The following MTHFD2 variants were observed in gnomAD, a reference collection of about 807,000 sequenced individuals.
The protein encoded by MTHFD2 is methylenetetrahydrofolate dehydrogenase (NADP+ dependent) 2, methenyltetrahydrofolate cyclohydrolase.
MTHFD2 carries 26 observed loss-of-function variants against 36.8 expected under a neutral mutation model. The observed-to-expected ratio is 0.71, with a 90% CI of 0.52 to 0.98. The LOEUF is 0.98. Among genes scored for constraint, MTHFD2 ranks in the 50% least tolerant of loss-of-function variants. The pLI is 0.00. For missense variants in MTHFD2, 373 were observed against 434.0 expected, an observed-to-expected ratio of 0.86 and a Z score of 1.25; for synonymous variants, 164 against 155.2, an observed-to-expected ratio of 1.06 and a Z score of -0.42.
chr2:74,207,452 C>G (rs1405174770), intron 2 of MTHFD2, among the ~76,000 whole-genome samples: 1 of 152,172 alleles, frequency 6.6e-6, no homozygotes, highest in Non-Finnish European at 1.5e-5. Context: ...TTAAACCTCT[C>G]TGAGCCTCAG....
Position 74,207,735 on chromosome 2 carries a change from T to C in MTHFD2, c.318T>C (p.Ala106=), listed in dbSNP as rs373728570. The C allele has an allele frequency of 5.6e-6, 9 of 1,608,032 alleles. No homozygotes were observed. The African/African-American group carries it at 1.2e-4, about 21-fold the overall frequency. The change falls in exon 3 of 8, where the codon GCT becomes GCC. Residue 106 remains alanine, a synonymous_variant. Coordinates refer to ENST00000394053, the MANE Select transcript of MTHFD2 (RefSeq NM_006636.4). ...GINSETIMKP[A]SISEEELLNL... ...ACAGTGAGACAATTATGAAACCAGC[T>C]TCAATTTCAGAGGAAGAATTGTTGA... is the stretch of plus-strand genomic sequence containing the variant.
intron 1 of MTHFD2, among the ~76,000 whole-genome samples, chr2:74,202,168 A>AG (rs1402652260): frequency 6.6e-6 from 1 of 152,108 alleles, no homozygotes; most frequent in African/African-American, 2.4e-5. Flanking sequence ...CTCACTGACT[A>AG]GATATACATA....
chr2:74,207,973 A>G (rs902062690), intron 3 of MTHFD2, 147 bp downstream of exon 3: 11 of 813,994 alleles, frequency 1.4e-5, no homozygotes, highest in Non-Finnish European at 2.1e-5. Context: ...CAATGGTACA[A>G]TCATAGCTCA....
At chr2:74,205,156 TTTATCGATTTAAAC>T (rs1178508139) in intron 1 of MTHFD2, among the ~76,000 whole-genome samples, 5 of 152,150 alleles carry the variant, frequency 3.3e-5, no homozygotes, top group African/African-American at 4.8e-5. Flanking sequence ...CAGAATATAA[TTTATCGATTTAAAC>T]CACCATAAAA....
intron 2 of MTHFD2, among the ~76,000 whole-genome samples, chr2:74,207,330 G>A (rs1160110498): frequency 2.0e-5 from 3 of 151,520 alleles, no homozygotes; most frequent in African/African-American, 7.3e-5. Flanking sequence ...GGTTTTCACC[G>A]TGTTAGCCAG....
rs766295449 is a variant in MTHFD2 at position 74,211,820 on chromosome 2, T to C, written c.843T>C (p.Asp281=). The C allele has an allele frequency of 6.2e-7, 1 of 1,611,714 alleles. No homozygotes were observed. The change falls in exon 7 of 8, where the codon GAT becomes GAC. Residue 281 remains aspartate, a synonymous_variant. Transcript: ENST00000394053. The stretch of plus-strand genomic sequence containing the variant: ...ATGTGGGAATAAATAGAGTTCACGA[T>C]CCTGTAACTGCCAAACCCAAGTTGG... The part of the protein sequence containing the change: ...VIDVGINRVH[D]PVTAKPKLVG...
At position 74,216,691 on chromosome 2, in the gene MTHFD2, C is replaced by CTTGA. The variant is rs1461940521; in HGVS notation, c.*2450_*2453dup. ...TGGCATGATTATAGCTCACTGCAGC[C>CTTGA]TTGAACTCCTGGACTTAAACGATCC... On this transcript the variant is annotated 3_prime_UTR_variant, in exon 8 of 8. Transcript: ENST00000394053. 1.3e-5 allele frequency: 2 copies of CTTGA among 152,170 alleles called. No individual in the cohort carries two copies. Among genetic ancestry groups the CTTGA allele is most frequent in the Non-Finnish European group, 2.9e-5 (2 of 68,038 alleles). The allele number at this position is 152,170 out of a possible 1,614,324, so 9.4% of individuals were successfully genotyped here. A position where few individuals can be genotyped will look rare whatever the true frequency, so the allele number is the denominator to read the frequency against.
chr2:74,213,325 G>A (rs1201713170), intron 7 of MTHFD2, among the ~76,000 whole-genome samples: 2 of 127,844 alleles, frequency 1.6e-5, no homozygotes, highest in African/African-American at 6.2e-5. Context: ...TGCCCAGGCT[G>A]GAGTACAGTG....
At position 74,207,759 on chromosome 2, in the gene MTHFD2, G is replaced by T. The variant is rs972560172; in HGVS notation, c.342G>T (p.Leu114Phe). Residue 114 changes from leucine to phenylalanine, a missense_variant, in exon 3 of 8, where the codon TTG becomes TTT. Physicochemically the swap from Leu to Phe is conservative, Grantham distance 22. This residue lies in a region of MTHFD2 where 308 missense variants were observed against 397.8 expected (regional missense o/e 0.77). Coordinates refer to ENST00000394053, the MANE Select transcript of MTHFD2 (RefSeq NM_006636.4). ...CTTCAATTTCAGAGGAAGAATTGTT[G>T]AATTTAATCAATAAACTGAATAATG... ...KPASISEEELLNLINKLNNDD... is the reference protein window; with the variant it reads ...KPASISEEELFNLINKLNNDD... 16 of 1,606,702 alleles carry T rather than the reference G, an allele frequency of 1.0e-5. No homozygotes were observed. The highest frequency in any genetic ancestry group is 2.2e-5 in the South Asian group (2 of 90,726).
chr2:74,213,270 C>CTTTTTTTTTTT (rs10638050), intron 7 of MTHFD2, among the ~76,000 whole-genome samples: 6 of 76,032 alleles, frequency 7.9e-5, no homozygotes, highest in African/African-American at 1.8e-4. Flanking sequence ...TTTTTCTTTC[C>CTTTTTTTTTTT]TTTTTTTTTT....
At chr2:74,200,145 T>C (rs2103801080) in intron 1 of MTHFD2, among the ~76,000 whole-genome samples, 1 of 152,342 alleles carries the variant, frequency 6.6e-6, no homozygotes, top group Admixed American at 6.5e-5. Flanking sequence ...GGGTTTTCCC[T>C]GGTCTGACTC....
chr2:74,206,760 GT>G (rs1694190943), intron 2 of MTHFD2, among the ~76,000 whole-genome samples: 1 of 152,124 alleles, frequency 6.6e-6, no homozygotes, highest in South Asian at 2.1e-4. Flanking sequence ...CCAGGCTGGA[GT>G]GCAACGGCGT....
At chr2:74,208,243 TG>T (rs2103822842) in intron 3 of MTHFD2, among the ~76,000 whole-genome samples, 1 of 151,994 alleles carries the variant, frequency 6.6e-6, no homozygotes, top group African/African-American at 2.4e-5. Flanking sequence ...GTTCTTCATG[TG>T]GATTTGGCTT....
In MTHFD2 at chr2:74,214,301, C is replaced by A; in HGVS notation, c.*59C>A. On this transcript the variant is annotated 3_prime_UTR_variant, in exon 8 of 8. Coordinates refer to ENST00000394053, the MANE Select transcript of MTHFD2 (RefSeq NM_006636.4). Reference sequence around the variant, plus strand: ...AGGCCAGCTCAAGAAGCAAAGCAGGCCAATAGAAATGCAATATTTTTAATT... The same window carrying A: ...AGGCCAGCTCAAGAAGCAAAGCAGGACAATAGAAATGCAATATTTTTAATT... The A allele has an allele frequency of 1.3e-6, 2 of 1,529,794 alleles. No homozygotes were observed. Among genetic ancestry groups the A allele is most frequent in the South Asian group, 1.2e-5 (1 of 82,266 alleles). 94.8% of individuals were successfully genotyped at this position (1,529,794 alleles called of 1,614,324 possible). A position where few individuals can be genotyped will look rare whatever the true frequency, so the allele number is the denominator to read the frequency against.
At chr2:74,201,450 T>TG (rs1694040838) in intron 1 of MTHFD2, among the ~76,000 whole-genome samples, 1 of 152,046 alleles carries the variant, frequency 6.6e-6, no homozygotes, top group South Asian at 2.1e-4. Context: ...CTTGACCTCC[T>TG]GGGCTCAAGT....
At chr2:74,203,963 G>C (rs868136574) in intron 1 of MTHFD2, among the ~76,000 whole-genome samples, 2 of 148,538 alleles carry the variant, frequency 1.3e-5, no homozygotes, top group Non-Finnish European at 3.0e-5. Context: ...GCCCAGGCTA[G>C]AGTGCAGTGG....
At chr2:74,207,571 C>A in intron 2 of MTHFD2, 133 bp from the exon 3 acceptor site, 2 of 775,172 alleles carry the variant, frequency 2.6e-6, no homozygotes, top group Non-Finnish European at 4.0e-6. Flanking sequence ...TTTTAGGTTC[C>A]TTGAGCTACT....
intron 4 of MTHFD2, among the ~76,000 whole-genome samples, chr2:74,209,513 A>G (rs1167458176): frequency 1.3e-5 from 2 of 151,956 alleles, no homozygotes; most frequent in African/African-American, 4.8e-5. Flanking sequence ...GGCCTCCCAA[A>G]GTGCTGGGAT....
At chr2:74,206,926 T>A (rs1694195826) in intron 2 of MTHFD2, among the ~76,000 whole-genome samples, 1 of 152,086 alleles carries the variant, frequency 6.6e-6, no homozygotes, top group Non-Finnish European at 1.5e-5. Flanking sequence ...CAGGCTGGTG[T>A]CGAACTCCCG....
Sources: allele counts gnomAD v4.1 joint callset (sites outside exome capture counted in the v4.1 genomes callset), GRCh38; gene constraint gnomAD v4.1.1; regional missense constraint gnomAD v4.1.1; transcripts MANE v1.5; gene names NCBI Gene and HGNC (gene_info 2026-07-23, HGNC 2026-07-21).